NAALADL2: variants seen among roughly 807,000 people sequenced by gnomAD.
The protein encoded by NAALADL2 is inactive N-acetylated-alpha-linked acidic dipeptidase-like protein 2.
A neutral mutation model predicts 87.2 loss-of-function variants in NAALADL2; 76 were observed. The ratio of observed to expected loss-of-function variants is 0.87; its 90% CI spans 0.72 to 1.05. The LOEUF is 1.05. Ranked by LOEUF, NAALADL2 falls within the 50% of genes least tolerant of loss-of-function variation. The pLI is 0.00. For synonymous variants in NAALADL2, 354 were observed against 331.0 expected (o/e 1.07, Z -0.75); for missense variants, 1,089 against 945.8 (o/e 1.15, Z -1.99).
At chr3:175,230,132 C>A (rs1311091931) in intron 2 of NAALADL2, among the ~76,000 whole-genome samples, 2 of 151,834 alleles carry the variant, frequency 1.3e-5, no homozygotes, top group Non-Finnish European at 2.9e-5. Context: ...AAATTGGATT[C>A]CTGCCTCCTA....
At chr3:175,321,520 T>C in intron 4 of NAALADL2, among the ~76,000 whole-genome samples, 2 of 59,360 alleles carry the variant, frequency 3.4e-5, no homozygotes, top group Admixed American at 2.0e-4. Flanking sequence ...TAAAGGGTAT[T>C]CAATTAGGAA....
intron 3 of NAALADL2, among the ~76,000 whole-genome samples, chr3:174,770,847 CAAAA>C (rs11348105): frequency 7.3e-6 from 1 of 136,468 alleles, no homozygotes; most frequent in African/African-American, 2.8e-5. Flanking sequence ...CTCGGTCTAA[CAAAA>C]AAAAAAAAGA....
intron 2 of NAALADL2, among the ~76,000 whole-genome samples, chr3:174,559,186 G>A (rs1713256938): frequency 6.6e-6 from 1 of 152,042 alleles, no homozygotes; most frequent in African/African-American, 2.4e-5. Flanking sequence ...TCCCAAAGAG[G>A]AAACTGAGAG....
intron 2 of NAALADL2, among the ~76,000 whole-genome samples, chr3:174,725,459 A>G (rs1732091953): frequency 6.6e-6 from 1 of 152,156 alleles, no homozygotes; most frequent in Admixed American, 6.5e-5. Flanking sequence ...GTATTTGCAT[A>G]TTCATACTGG....
intron 3 of NAALADL2, among the ~76,000 whole-genome samples, chr3:174,828,735 A>G (rs1003240045): frequency 3.3e-5 from 5 of 152,150 alleles, no homozygotes; most frequent in African/African-American, 9.7e-5. Context: ...CTGAATTTAC[A>G]TGTTATAAAC....
rs138009310 is a variant in NAALADL2 at position 175,302,915 on chromosome 3, T to G, written c.940-21260T>G. Among the ~76,000 whole-genome samples, 975 of 151,850 alleles carry G rather than the reference T, an allele frequency of 6.4e-3. 12 individuals carry two copies. Among genetic ancestry groups the G allele is most frequent in the African/African-American group, 0.022 (896 of 41,434 alleles). On this transcript the variant is annotated intron_variant, in intron 4 of 13. Coordinates refer to ENST00000454872, the MANE Select transcript of NAALADL2 (RefSeq NM_207015.3). ...GTGAGTAAAGGATTGAGAGGATATA[T>G]GAAAATTAAAGGAGATCAAGAGGAA...
chr3:175,584,688 A>G (rs954297576), intron 10 of NAALADL2, among the ~76,000 whole-genome samples: 6 of 152,246 alleles, frequency 3.9e-5, no homozygotes, highest in African/African-American at 7.2e-5. Flanking sequence ...CCTGCACAGC[A>G]TGATACTGTA....
chr3:175,463,794 G>C (rs538133744), intron 7 of NAALADL2, among the ~76,000 whole-genome samples: 5 of 150,222 alleles, frequency 3.3e-5, no homozygotes, highest in Non-Finnish European at 7.4e-5. Flanking sequence ...TGGTAAACTG[G>C]CATGTTCTAA....
At chr3:174,887,656 G>A (rs1730338374) in intron 1 of NAALADL2, among the ~76,000 whole-genome samples, 1 of 151,988 alleles carries the variant, frequency 6.6e-6, no homozygotes, top group African/African-American at 2.4e-5. Flanking sequence ...AATTAGTCGG[G>A]CTTGGTGGTG....
intron 4 of NAALADL2, among the ~76,000 whole-genome samples, chr3:175,294,055 C>G (rs1442782583): frequency 6.6e-6 from 1 of 152,048 alleles, no homozygotes; most frequent in Non-Finnish European, 1.5e-5. Flanking sequence ...CGGGTTACAA[C>G]AGGTAATAGG....
chr3:174,667,546 T>TTTTTG (rs1491104493), intron 2 of NAALADL2, among the ~76,000 whole-genome samples: 5,614 of 23,530 alleles, frequency 0.24, 435 homozygotes, highest in African/African-American at 0.42. Context: ...TGGGAGAGAG[T>TTTTTG]TTTTTTTTTT....
At chr3:175,295,718 A>AACACACACAC (rs58935758) in intron 4 of NAALADL2, among the ~76,000 whole-genome samples, 33 of 143,654 alleles carry the variant, frequency 2.3e-4, no homozygotes, top group Non-Finnish European at 3.3e-4. Flanking sequence ...CATGCACACA[A>AACACACACAC]ACACACACAC....
intron 1 of NAALADL2, among the ~76,000 whole-genome samples, chr3:174,907,915 G>A (rs1386349549): frequency 6.6e-6 from 1 of 151,196 alleles, no homozygotes; most frequent in Non-Finnish European, 1.5e-5. Context: ...TATGAATGAA[G>A]ATTTAACAAC....
At chr3:175,785,018 G>T (rs1751725399) in intron 13 of NAALADL2, among the ~76,000 whole-genome samples, 1 of 151,112 alleles carries the variant, frequency 6.6e-6, no homozygotes, top group South Asian at 2.1e-4. Context: ...GCAGTTTTGA[G>T]TGAGATTCTT....
At chr3:175,478,437 G>C (rs577425778) in intron 9 of NAALADL2, among the ~76,000 whole-genome samples, 1 of 151,846 alleles carries the variant, frequency 6.6e-6, no homozygotes, top group Non-Finnish European at 1.5e-5. Context: ...GTTTTACAAG[G>C]TTTTCTGTTC....
At chr3:174,894,128 G>T (rs945481621) in intron 1 of NAALADL2, among the ~76,000 whole-genome samples, 15 of 151,948 alleles carry the variant, frequency 9.9e-5, no homozygotes, top group African/African-American at 3.6e-4. Context: ...ATGTTAAAGG[G>T]GTTAATTCAG....
chr3:175,239,581 T>C (rs74951182), intron 3 of NAALADL2, among the ~76,000 whole-genome samples: 2,083 of 152,306 alleles, frequency 0.014, 52 homozygotes, highest in African/African-American at 0.047. Context: ...GGATTTTGTA[T>C]CTTTTCATTC....
chr3:174,691,432 A>C (rs1337171382), intron 2 of NAALADL2, among the ~76,000 whole-genome samples: 2 of 123,288 alleles, frequency 1.6e-5, no homozygotes, highest in Non-Finnish European at 1.9e-5. Flanking sequence ...ATTAAATAAA[A>C]CCCACAAAAA....
chr3:175,734,124 C>A (rs556567061), intron 11 of NAALADL2, among the ~76,000 whole-genome samples: 1 of 152,198 alleles, frequency 6.6e-6, no homozygotes, highest in Non-Finnish European at 1.5e-5. Flanking sequence ...AGCTCCACTA[C>A]GTGGTGCCCC....
Sources: allele counts gnomAD v4.1 joint callset (sites outside exome capture counted in the v4.1 genomes callset), GRCh38; gene constraint gnomAD v4.1.1; transcripts MANE v1.5; gene names NCBI Gene and HGNC (gene_info 2026-07-23, HGNC 2026-07-21).